Variants in AKAP14 observed in about 807,000 individuals in gnomAD.
AKAP14 encodes the protein A-kinase anchoring protein 14, also known as A-kinase anchor protein 14.
A neutral mutation model predicts 17.0 loss-of-function variants in AKAP14; 4 were observed. The ratio of observed to expected loss-of-function variants is 0.23; its 90% CI spans 0.12 to 0.54. AKAP14 has a LOEUF of 0.54. Among genes scored for constraint, AKAP14 ranks in the 20% least tolerant of loss-of-function variants. AKAP14 has a pLI of 0.95. For missense variants in AKAP14, 129 were observed against 150.9 expected, an observed-to-expected ratio of 0.85 and a Z score of 0.76; for synonymous variants, 42 against 51.3, an observed-to-expected ratio of 0.82 and a Z score of 0.77.
chrX:119,900,858 G>A (rs1218387846), intron 2 of AKAP14, among the ~76,000 whole-genome samples: 1 of 112,161 alleles, frequency 8.9e-6, no homozygotes, highest in Non-Finnish European at 1.9e-5. Flanking sequence ...ATTTAAAGCT[G>A]TGCTGGAAGT....
chrX:119,912,286 A>G (rs927617837), intron 4 of AKAP14, among the ~76,000 whole-genome samples: 9 of 111,093 alleles, frequency 8.1e-5, no homozygotes, highest in Admixed American at 4.9e-4. Context: ...GTGCTTAAGG[A>G]AAATAACTCT....
chrX:119,899,469 C>G (rs1046947368), intron 2 of AKAP14, among the ~76,000 whole-genome samples: 2 of 111,404 alleles, frequency 1.8e-5, no homozygotes, highest in Admixed American at 1.9e-4. Context: ...TGCAGCTCCC[C>G]GGGGCTAGTA....
intron 2 of AKAP14, among the ~76,000 whole-genome samples, chrX:119,900,618 G>A (rs768555312): frequency 4.5e-5 from 5 of 111,497 alleles, no homozygotes; most frequent in Admixed American, 2.9e-4. Flanking sequence ...CTGCAGCCTC[G>A]ACCTCCCAGG....
At chrX:119,906,225 C>CTTTTTTTTTTTT (rs10637499) in intron 4 of AKAP14, among the ~76,000 whole-genome samples, 1 of 50,887 alleles carries the variant, frequency 2.0e-5, no homozygotes, top group African/African-American at 8.8e-5. Flanking sequence ...CCTGGCATTT[C>CTTTTTTTTTTTT]TTTTTTTTTT....
chrX:119,919,702 T>C, intron 5 of AKAP14: 1 of 336,839 alleles, frequency 3.0e-6, no homozygotes, highest in Non-Finnish European at 5.1e-6. Context: ...AAAAAATAGC[T>C]GGGTGTGGTG....
intron 4 of AKAP14, among the ~76,000 whole-genome samples, chrX:119,906,100 G>T (rs755348999): frequency 9.0e-6 from 1 of 111,392 alleles, no homozygotes; most frequent in East Asian, 2.8e-4. Flanking sequence ...TACCTATTTC[G>T]TAGGGCTGTT....
At chrX:119,915,650 C>T (rs749957703) in intron 5 of AKAP14, among the ~76,000 whole-genome samples, 32 of 111,936 alleles carry the variant, frequency 2.9e-4, no homozygotes, top group African/African-American at 1.0e-3. Flanking sequence ...GGATTACAGT[C>T]GTGCGCCACC....
chrX:119,915,870 C>T (rs1006497816), intron 5 of AKAP14, among the ~76,000 whole-genome samples: 5 of 112,027 alleles, frequency 4.5e-5, no homozygotes, highest in African/African-American at 1.6e-4. Context: ...CTTCTCTCAC[C>T]AAGATTATGT....
chrX:119,919,675 G>A (rs194289), intron 5 of AKAP14: 48,941 of 291,679 alleles, frequency 0.17, 3,430 homozygotes, highest in South Asian at 0.4. Context: ...GTAAAACTCC[G>A]TCTCTACTAA....
intron 4 of AKAP14, among the ~76,000 whole-genome samples, chrX:119,913,071 C>T (rs916509486): frequency 1.9e-5 from 2 of 107,430 alleles, no homozygotes; most frequent in Admixed American, 1.0e-4. Flanking sequence ...GCGGATTGCT[C>T]GAGCCCAGGA....
chrX:119,915,643 T>G (rs1294001871), intron 5 of AKAP14, among the ~76,000 whole-genome samples: 1 of 111,953 alleles, frequency 8.9e-6, no homozygotes, highest in African/African-American at 3.2e-5. Context: ...GTAGCTGGGA[T>G]TACAGTCGTG....
At chrX:119,915,431 C>A (rs2056651638) in intron 5 of AKAP14, among the ~76,000 whole-genome samples, 1 of 112,321 alleles carries the variant, frequency 8.9e-6, no homozygotes, top group Admixed American at 9.6e-5. Context: ...TCATCCTTGA[C>A]TCTTCTCTCA....
At chrX:119,914,590 T>C in intron 4 of AKAP14, 109 bp from the exon 5 acceptor site, 1 of 790,366 alleles carries the variant, frequency 1.3e-6, no homozygotes, top group Admixed American at 3.7e-5. Flanking sequence ...CCCAAAGTGC[T>C]GGGATTACAG....
chrX:119,916,473 TATCTATCTATC>T (rs1201097855), intron 5 of AKAP14, among the ~76,000 whole-genome samples: 1 of 104,622 alleles, frequency 9.6e-6, no homozygotes, highest in Non-Finnish European at 2.0e-5. Flanking sequence ...TCTATCTATC[TATCTATCTATC>T]ATCTATCTAT....
At chrX:119,913,123 A>AAAATAAATAAATAAATAAATAAAT (rs766878681) in intron 4 of AKAP14, among the ~76,000 whole-genome samples, 188 of 98,083 alleles carry the variant, frequency 1.9e-3, no homozygotes, top group East Asian at 0.011. Flanking sequence ...CCTGGTCTCT[A>AAAATAAATAAATAAATAAATAAAT]AAATAAATAA....
At chrX:119,914,064 G>A (rs1414551717) in intron 4 of AKAP14, among the ~76,000 whole-genome samples, 1 of 108,115 alleles carries the variant, frequency 9.2e-6, no homozygotes, top group Non-Finnish European at 1.9e-5. Flanking sequence ...GTGAAACGCC[G>A]TCTCTACTAA....
intron 2 of AKAP14, among the ~76,000 whole-genome samples, chrX:119,901,048 C>T (rs2056562818): frequency 8.9e-6 from 1 of 112,041 alleles, no homozygotes; most frequent in Non-Finnish European, 1.9e-5. Context: ...TTAAAGGCAT[C>T]TGGAAGATTA....
chrX:119,919,124 G>T (rs1017344725), intron 5 of AKAP14, among the ~76,000 whole-genome samples: 1 of 112,095 alleles, frequency 8.9e-6, no homozygotes, highest in Non-Finnish European at 1.9e-5. Flanking sequence ...CACAGAGAGA[G>T]GTCTTGGGAG....
In AKAP14 at chrX:119,920,648, A is replaced by G. The variant is rs748532292; in HGVS notation, c.*41A>G. ...TTAGGATTGTTTTTCTCATCAGGATACATTAAAAATACAATACAGCACGTC... is the reference window on the plus strand; with the variant it reads ...TTAGGATTGTTTTTCTCATCAGGATGCATTAAAAATACAATACAGCACGTC... On this transcript the variant is annotated 3_prime_UTR_variant, in exon 7 of 7. Transcript: ENST00000371431. 8 of 1,021,991 alleles carry G rather than the reference A, an allele frequency of 7.8e-6. No homozygotes were observed. In the South Asian group the frequency reaches 1.5e-4, roughly 19 times the overall value. 84.2% of individuals were successfully genotyped at this position (1,021,991 alleles called of 1,213,427 possible). A position where few individuals can be genotyped will look rare whatever the true frequency, so the allele number is the denominator to read the frequency against.
Sources: gnomAD v4.1 joint callset for allele counts (sites outside exome capture counted in the v4.1 genomes callset) on GRCh38, gnomAD v4.1.1 for gene constraint, MANE v1.5 for transcripts, NCBI Gene and HGNC (gene_info 2026-07-23, HGNC 2026-07-21) for gene names.